EMP1: variants seen among roughly 807,000 people sequenced by gnomAD.
EMP1 encodes epithelial membrane protein 1, also known as tumor-associated membrane protein.
Under a neutral mutation model 15.7 loss-of-function variants are expected in EMP1, and 5 were observed. That is an observed-to-expected ratio of 0.32 (90% CI 0.17 to 0.67). The LOEUF (loss-of-function observed/expected upper bound fraction) is 0.67. Among genes scored for constraint, EMP1 ranks in the 30% least tolerant of loss-of-function variants. The pLI is 0.74. For synonymous variants in EMP1, 78 were observed against 76.7 expected (o/e 1.02, Z -0.09); for missense variants, 166 against 194.2 (o/e 0.85, Z 0.86).
intron 1 of EMP1, among the ~76,000 whole-genome samples, chr12:13,210,865 A>C (rs888279753): frequency 3.3e-5 from 5 of 152,382 alleles, no homozygotes; most frequent in African/African-American, 1.2e-4. Flanking sequence ...TGTTATAATT[A>C]TTGAAAACCA....
chr12:13,205,494 TAA>T (rs142434766), intron 1 of EMP1, among the ~76,000 whole-genome samples: 9 of 149,154 alleles, frequency 6.0e-5, no homozygotes, highest in African/African-American at 1.7e-4. Context: ...CTATGTATGT[TAA>T]AAAAAAAAGG....
At position 13,214,711 on chromosome 12, in the gene EMP1, G is replaced by C; in HGVS notation, c.*20G>C. ...AAATAAGGCCGGACGAGTTCATGGG[G>C]ATCTGGGGGGTGGGGAGGAGGAAGC... is the stretch of plus-strand genomic sequence containing the variant. On this transcript the variant is annotated 3_prime_UTR_variant, in exon 5 of 5. Transcript: ENST00000256951. The C allele has an allele frequency of 6.3e-7, 1 of 1,596,260 alleles. No homozygotes were observed.
intron 1 of EMP1, among the ~76,000 whole-genome samples, chr12:13,205,413 CA>C (rs1279608125): frequency 3.3e-5 from 5 of 151,542 alleles, no homozygotes; most frequent in African/African-American, 1.2e-4. Context: ...AGTTTGCATA[CA>C]ATAAGATGCT....
Position 13,203,188 on chromosome 12 carries a change from C to T in EMP1, c.-43+6316C>T, listed in dbSNP as rs867165363. On this transcript the variant is annotated intron_variant, in intron 1 of 4. Transcript: ENST00000256951. ...TCTACTGTTGGTCCCACCCAAGCGC[C>T]GCTGGGGCCGGGCCACACCTAGGTT... Among the ~76,000 whole-genome samples, 42 of 152,296 alleles carry T rather than the reference C, an allele frequency of 2.8e-4. 1 individual carries two copies. Among genetic ancestry groups the T allele is most frequent in the Admixed American group, 1.8e-3 (27 of 15,306 alleles).
chr12:13,214,967 G>A lies in EMP1; in HGVS notation c.*276G>A, dbSNP rs1864201224. On this transcript the variant is annotated 3_prime_UTR_variant, in exon 5 of 5. Transcript: ENST00000256951. ...CAGACTTGGCCTCCAGCTGTTCTTA[G>A]TGACACACACTGTCTGGGGCCCCAT... is the stretch of plus-strand genomic sequence containing the variant. The A allele has an allele frequency of 2.5e-6, 1 of 392,994 alleles. No individual in the cohort carries two copies. The highest frequency in any genetic ancestry group is 2.0e-5 in the African/African-American group (1 of 49,090). 24.3% of individuals were successfully genotyped at this position (392,994 alleles called of 1,614,324 possible). A position where few individuals can be genotyped will look rare whatever the true frequency, so the allele number is the denominator to read the frequency against.
In EMP1 at chr12:13,198,454, C is replaced by A. The variant is rs1040214634; in HGVS notation, c.-43+1582C>A. On this transcript the variant is annotated intron_variant, in intron 1 of 4. Coordinates refer to ENST00000256951, the MANE Select transcript of EMP1 (RefSeq NM_001423.3). Reference sequence around the variant, plus strand: ...TGGGAGAGAAGTTACATGTAATCAACCCTGTGTTGAGCAGGCAATGCTCCT... The same window carrying A: ...TGGGAGAGAAGTTACATGTAATCAAACCTGTGTTGAGCAGGCAATGCTCCT... Among the ~76,000 whole-genome samples, 7 of 152,164 alleles carry A rather than the reference C, an allele frequency of 4.6e-5. No homozygotes were observed. The East Asian group carries it at 1.3e-3, about 29-fold the overall frequency.
chr12:13,210,835 C>T (rs1347544053), intron 1 of EMP1, among the ~76,000 whole-genome samples: 1 of 152,214 alleles, frequency 6.6e-6, no homozygotes, highest in Admixed American at 6.5e-5. Context: ...GGTGACCAGA[C>T]CATTAAACTG....
At chr12:13,213,250 T>C (rs1864182598) in intron 2 of EMP1, among the ~76,000 whole-genome samples, 1 of 152,188 alleles carries the variant, frequency 6.6e-6, no homozygotes, top group Non-Finnish European at 1.5e-5. Context: ...GAGGGCTAGG[T>C]GATTTCTTTC....
Position 13,216,340 on chromosome 12 carries a change from A to C in EMP1, c.*1649A>C. ...TATTTATGTAAAAGGATTATTACTA[A>C]TTCTATTTCTCTATGTTTATTCTAG... On this transcript the variant is annotated 3_prime_UTR_variant, in exon 5 of 5. Transcript: ENST00000256951. 2.9e-6 allele frequency: 2 copies of C among 699,988 alleles called. No individual in the cohort carries two copies. Among genetic ancestry groups the C allele is most frequent in the South Asian group, 3.0e-5 (2 of 66,846 alleles). 43.4% of individuals were successfully genotyped at this position (699,988 alleles called of 1,614,324 possible). A position where few individuals can be genotyped will look rare whatever the true frequency, so the allele number is the denominator to read the frequency against.
chr12:13,199,447 GTGGA>G (rs1864044186), intron 1 of EMP1: 1 of 152,378 alleles, frequency 6.6e-6, no homozygotes, highest in East Asian at 1.9e-4. Flanking sequence ...GGGAAAACTT[GTGGA>G]TGAGGCAAGA....
intron 1 of EMP1, chr12:13,199,138 T>C (rs1278926097): frequency 6.6e-6 from 1 of 152,376 alleles, no homozygotes; most frequent in African/African-American, 2.4e-5. Flanking sequence ...AAGAACCAAC[T>C]TGGAGCAAAT....
chr12:13,206,031 T>G (rs540481144), intron 1 of EMP1, among the ~76,000 whole-genome samples: 78 of 151,548 alleles, frequency 5.1e-4, no homozygotes, highest in African/African-American at 1.7e-3. Context: ...TAGAGGGGAG[T>G]TGTTCAGAGA....
intron 2 of EMP1, among the ~76,000 whole-genome samples, chr12:13,212,356 C>T (rs1215467919): frequency 6.6e-6 from 1 of 152,180 alleles, no homozygotes; most frequent in African/African-American, 2.4e-5. Context: ...CCAAGGCCAC[C>T]AATCACTAGG....
chr12:13,210,268 G>A (rs1864153082), intron 1 of EMP1, among the ~76,000 whole-genome samples: 1 of 152,180 alleles, frequency 6.6e-6, no homozygotes, highest in Admixed American at 6.5e-5. Flanking sequence ...GATGCGCCTG[G>A]CCATCTCCTC....
At chr12:13,203,352 C>T (rs923943624) in intron 1 of EMP1, among the ~76,000 whole-genome samples, 3 of 152,212 alleles carry the variant, frequency 2.0e-5, no homozygotes, top group Non-Finnish European at 4.4e-5. Flanking sequence ...ATCCCTTGAC[C>T]AGCTGCAGTC....
intron 2 of EMP1, among the ~76,000 whole-genome samples, chr12:13,212,720 G>A (rs1037803947): frequency 1.3e-5 from 2 of 152,242 alleles, no homozygotes; most frequent in Admixed American, 6.5e-5. Flanking sequence ...GGTGATGCAT[G>A]TTCCCGGCCC....
chr12:13,219,732 C>T lies in EMP1; in HGVS notation c.*5041C>T, dbSNP rs1310942394. On this transcript the variant is annotated 3_prime_UTR_variant, in exon 5 of 5. Coordinates refer to ENST00000256951, the MANE Select transcript of EMP1 (RefSeq NM_001423.3). ...TGATATTAAGAGATTAATTAAACAACAGTGGATGGGGAGGAAGAACAGACT... is the reference window on the plus strand; with the variant it reads ...TGATATTAAGAGATTAATTAAACAATAGTGGATGGGGAGGAAGAACAGACT... 1 of 152,134 alleles carries T rather than the reference C, an allele frequency of 6.6e-6. No individual in the cohort carries two copies. Among genetic ancestry groups the T allele is most frequent in the African/African-American group, 2.4e-5 (1 of 41,414 alleles). The allele number at this position is 152,134 out of a possible 1,614,324, so 9.4% of individuals were successfully genotyped here.
At chr12:13,205,856 G>A (rs547763901) in intron 1 of EMP1, among the ~76,000 whole-genome samples, 4 of 152,332 alleles carry the variant, frequency 2.6e-5, no homozygotes, top group Non-Finnish European at 5.9e-5. Context: ...TACAAAAGCA[G>A]AGCTTTTATT....
intron 3 of EMP1, 42 bp from the exon 4 acceptor site, chr12:13,213,639 G>A (rs751390049): frequency 1.2e-6 from 2 of 1,614,034 alleles, no homozygotes; most frequent in African/African-American, 2.7e-5. Flanking sequence ...TCAGCCCCTG[G>A]AGTGACCTCA....
Sources: allele counts gnomAD v4.1 joint callset (sites outside exome capture counted in the v4.1 genomes callset), GRCh38; gene constraint gnomAD v4.1.1; transcripts MANE v1.5; gene names NCBI Gene and HGNC (gene_info 2026-07-23, HGNC 2026-07-21).